SLIT3: variants seen among roughly 807,000 people sequenced by gnomAD.
The protein encoded by SLIT3 is slit guidance ligand 3.
A neutral mutation model predicts 184.0 loss-of-function variants in SLIT3; 68 were observed. The ratio of observed to expected loss-of-function variants is 0.37; its 90% CI spans 0.30 to 0.45. SLIT3 has a LOEUF of 0.45. Among genes scored for constraint, SLIT3 ranks in the 20% least tolerant of loss-of-function variants. SLIT3 has a pLI of 1.00. For synonymous variants in SLIT3, 831 were observed against 828.6 expected, an observed-to-expected ratio of 1.00 and a Z score of -0.05; for missense variants, 1,707 against 2,026.0, an observed-to-expected ratio of 0.84 and a Z score of 3.02.
intron 32 of SLIT3, among the ~76,000 whole-genome samples, chr5:168,682,877 G>GA (rs1473947459): frequency 6.6e-6 from 1 of 151,906 alleles, no homozygotes; most frequent in Admixed American, 6.6e-5. Context: ...AGTTTGACAT[G>GA]ATTTTAGGTG....
chr5:168,796,771 G>A (rs145122246), intron 9 of SLIT3, among the ~76,000 whole-genome samples: 1 of 152,208 alleles, frequency 6.6e-6, no homozygotes, highest in Non-Finnish European at 1.5e-5. Flanking sequence ...TCTTCATTGG[G>A]GGAACAGAAT....
chr5:169,168,235 A>G (rs1334423473), intron 4 of SLIT3, among the ~76,000 whole-genome samples: 2 of 152,240 alleles, frequency 1.3e-5, no homozygotes, highest in Admixed American at 6.5e-5. Flanking sequence ...AAAGTAGGCT[A>G]TGCATCTTAC....
intron 1 of SLIT3, among the ~76,000 whole-genome samples, chr5:169,267,333 C>G (rs1486329274): frequency 1.3e-5 from 2 of 152,116 alleles, no homozygotes; most frequent in East Asian, 3.9e-4. Context: ...GTAACATACT[C>G]AAAAAGTTTA....
chr5:169,074,584 G>C (rs992471591), intron 4 of SLIT3, among the ~76,000 whole-genome samples: 1 of 152,158 alleles, frequency 6.6e-6, no homozygotes, highest in African/African-American at 2.4e-5. Flanking sequence ...AGCTCGGAGA[G>C]GTGAGTACCT....
At chr5:169,074,102 C>T (rs1388397654) in intron 4 of SLIT3, among the ~76,000 whole-genome samples, 1 of 152,106 alleles carries the variant, frequency 6.6e-6, no homozygotes, top group East Asian at 1.9e-4. Context: ...AGTTCTGGGG[C>T]AGTGGTGGAT....
chr5:168,708,126 TG>T, intron 25 of SLIT3, 26 bp from the exon 26 acceptor site: 1 of 1,614,140 alleles, frequency 6.2e-7, no homozygotes, highest in Middle Eastern at 1.7e-4. Context: ...AGAGTACTGA[TG>T]GCAGGTCCTG....
Position 169,244,908 on chromosome 5 carries a change from T to G in SLIT3, c.270-132A>C, listed in dbSNP as rs1765536434. 1.2e-5 allele frequency: 9 copies of G among 773,564 alleles called. No homozygotes were observed. In the South Asian group the frequency reaches 1.3e-4, roughly 11 times the overall value. The allele number at this position is 773,564 out of a possible 1,614,324, so 47.9% of individuals were successfully genotyped here. Reference sequence around the variant, plus strand: ...TCAGTGTCCCTTCAACTGGGATCAGTCTGATGGGACAAGATAACTCATATC... The same window carrying G: ...TCAGTGTCCCTTCAACTGGGATCAGGCTGATGGGACAAGATAACTCATATC... On this transcript the variant is annotated intron_variant, in intron 2 of 35. Transcript: ENST00000519560.
intron 1 of SLIT3, among the ~76,000 whole-genome samples, chr5:169,282,854 C>T (rs59878602): frequency 0.015 from 2,341 of 152,282 alleles, 35 homozygotes; most frequent in East Asian, 0.068. Context: ...GGTCAATTTT[C>T]TCAAACACTG....
chr5:168,867,689 G>A (rs1340642760), intron 5 of SLIT3, among the ~76,000 whole-genome samples: 1 of 152,194 alleles, frequency 6.6e-6, no homozygotes, highest in Non-Finnish European at 1.5e-5. Flanking sequence ...TTGGTTTTGG[G>A]AAGATCTGCT....
chr5:168,845,640 A>C (rs1758434506), intron 5 of SLIT3, among the ~76,000 whole-genome samples: 1 of 152,026 alleles, frequency 6.6e-6, no homozygotes, highest in Non-Finnish European at 1.5e-5. Context: ...TTTTTCCTAA[A>C]TCAAAATATA....
At chr5:168,672,777 T>C (rs149807600) in intron 33 of SLIT3, among the ~76,000 whole-genome samples, 8 of 152,292 alleles carry the variant, frequency 5.3e-5, no homozygotes, top group African/African-American at 1.9e-4. Flanking sequence ...CCTGGCCTAC[T>C]TCCATTTTTG....
intron 16 of SLIT3, among the ~76,000 whole-genome samples, chr5:168,758,599 C>G (rs1755032100): frequency 6.6e-6 from 1 of 152,316 alleles, no homozygotes; most frequent in South Asian, 2.1e-4. Context: ...CAAGTGTGCC[C>G]TTCTCTCAGC....
In SLIT3 at chr5:168,739,042, G is replaced by T. The variant is rs544671487; in HGVS notation, c.2270+9260C>A. On this transcript the variant is annotated intron_variant, in intron 20 of 35. Transcript: ENST00000519560. The stretch of plus-strand genomic sequence containing the variant: ...TTGGAAAACTTTTCACTGCCACATT[G>T]AGCTTAACAACTTTCCCTCACTTAA... Among the ~76,000 whole-genome samples the T allele has an allele frequency of 1.7e-4, 26 of 151,660 alleles. No individual in the cohort carries two copies. The South Asian group carries it at 4.0e-3, about 23-fold the overall frequency.
At chr5:169,296,980 A>T (rs1181356281) in intron 1 of SLIT3, among the ~76,000 whole-genome samples, 1 of 152,148 alleles carries the variant, frequency 6.6e-6, no homozygotes, top group Non-Finnish European at 1.5e-5. Flanking sequence ...GTTCATTTTC[A>T]TCTGCCTCCT....
intron 4 of SLIT3, among the ~76,000 whole-genome samples, chr5:168,933,021 C>A (rs535285153): frequency 1.3e-5 from 2 of 152,276 alleles, no homozygotes; most frequent in African/African-American, 4.8e-5. Context: ...GAAAGCATTG[C>A]CAGCTTACAG....
intron 4 of SLIT3, among the ~76,000 whole-genome samples, chr5:168,915,391 T>C (rs766414974): frequency 3.3e-5 from 5 of 152,114 alleles, no homozygotes; most frequent in South Asian, 4.2e-4. Context: ...AATAGAGCAA[T>C]TGATCAATCT....
chr5:168,775,106 C>T (rs549633769), intron 12 of SLIT3, among the ~76,000 whole-genome samples: 34 of 151,112 alleles, frequency 2.2e-4, no homozygotes, highest in Admixed American at 2.1e-3. Context: ...GGCGTGATCT[C>T]GGCTCACTGC....
intron 2 of SLIT3, among the ~76,000 whole-genome samples, chr5:169,246,707 T>A (rs1765604105): frequency 6.6e-6 from 1 of 151,774 alleles, no homozygotes. Context: ...GACCAGGAGG[T>A]CAGGAGTTCA....
At chr5:169,120,459 A>C (rs1374769930) in intron 4 of SLIT3, 1 of 152,216 alleles carries the variant, frequency 6.6e-6, no homozygotes, top group Non-Finnish European at 1.5e-5. Flanking sequence ...CCTTGAGCCA[A>C]GGAATGTAGG....
Sources: allele counts gnomAD v4.1 joint callset (sites outside exome capture counted in the v4.1 genomes callset), GRCh38; gene constraint gnomAD v4.1.1; transcripts MANE v1.5; gene names NCBI Gene and HGNC (gene_info 2026-07-23, HGNC 2026-07-21).